Variants in ERC2 observed in about 807,000 individuals in gnomAD.
ERC2 encodes ERC protein 2.
In ERC2, 42 loss-of-function variants were observed where a neutral mutation model predicts 114.8. That is an observed-to-expected ratio of 0.37 (90% CI 0.29 to 0.47). ERC2 has a LOEUF of 0.47. ERC2 is among the 20% of genes least tolerant of loss of function. The pLI is 0.99. For synonymous variants in ERC2, 454 were observed against 425.5 expected, an observed-to-expected ratio of 1.07 and a Z score of -0.82; for missense variants, 939 against 1,150.7, an observed-to-expected ratio of 0.82 and a Z score of 2.66.
intron 14 of ERC2, among the ~76,000 whole-genome samples, chr3:55,841,120 A>G (rs999657111): frequency 3.3e-5 from 5 of 152,240 alleles, no homozygotes; most frequent in Non-Finnish European, 7.3e-5. Context: ...TATGTCAATC[A>G]TACCTAAATA....
intron 3 of ERC2, among the ~76,000 whole-genome samples, chr3:56,178,120 T>C (rs2083080337): frequency 6.6e-6 from 1 of 152,186 alleles, no homozygotes. Context: ...ATCAGAATGA[T>C]ACTTCTTGGC....
chr3:55,769,656 G>A (rs866966067), intron 14 of ERC2, among the ~76,000 whole-genome samples: 1 of 152,014 alleles, frequency 6.6e-6, no homozygotes. Context: ...AATTTCATTG[G>A]GTTCAATCTA....
chr3:55,794,674 TTA>T (rs1478174530), intron 14 of ERC2, among the ~76,000 whole-genome samples: 7 of 152,320 alleles, frequency 4.6e-5, no homozygotes, highest in African/African-American at 1.7e-4. Flanking sequence ...TCTAAACAAG[TTA>T]TATGTTAGTC....
chr3:56,072,684 C>A (rs2076793470), intron 7 of ERC2, among the ~76,000 whole-genome samples: 1 of 152,110 alleles, frequency 6.6e-6, no homozygotes, highest in African/African-American at 2.4e-5. Flanking sequence ...AGATTTTCAA[C>A]CCAAAAGGTT....
intron 17 of ERC2, among the ~76,000 whole-genome samples, chr3:55,576,325 T>A (rs956346466): frequency 1.2e-3 from 175 of 148,222 alleles, no homozygotes; most frequent in African/African-American, 2.7e-3. Context: ...AAAAAAAAAA[T>A]AAATCCAAAA....
chr3:55,939,404 T>C (rs2066642097), intron 13 of ERC2, among the ~76,000 whole-genome samples: 1 of 152,230 alleles, frequency 6.6e-6, no homozygotes, highest in Non-Finnish European at 1.5e-5. Flanking sequence ...AGAAAAGGGC[T>C]CCCTTTGTCA....
intron 14 of ERC2, among the ~76,000 whole-genome samples, chr3:55,804,649 G>A (rs2149108979): frequency 6.6e-6 from 1 of 152,254 alleles, no homozygotes; most frequent in South Asian, 2.1e-4. Context: ...AGATATGGCT[G>A]ACTTCAAAGC....
chr3:55,701,054 C>T (rs1272315959), intron 15 of ERC2, among the ~76,000 whole-genome samples: 1 of 152,106 alleles, frequency 6.6e-6, no homozygotes, highest in Non-Finnish European at 1.5e-5. Flanking sequence ...AATGAACCAA[C>T]AATACTTTCA....
intron 17 of ERC2, among the ~76,000 whole-genome samples, chr3:55,527,494 C>G (rs566109141): frequency 6.6e-6 from 1 of 152,282 alleles, no homozygotes; most frequent in African/African-American, 2.4e-5. Flanking sequence ...GTTCACAAAC[C>G]CTTTGCTATT....
At position 55,526,753 on chromosome 3, in the gene ERC2, TC is replaced by T. The variant is rs564887359; in HGVS notation, c.*40-15478del. On this transcript the variant is annotated intron_variant, in intron 17 of 17. Coordinates refer to ENST00000288221, the MANE Select transcript of ERC2 (RefSeq NM_015576.3). ...ATCACAGGAAGCACGAGGGGACTCG[TC>T]CCCGGGCCAGGGTCTTCACGGGGCC... is the stretch of plus-strand genomic sequence containing the variant. Among the ~76,000 whole-genome samples the T allele has an allele frequency of 2.1e-3, 320 of 152,266 alleles. 1 individual carries two copies. The highest frequency in any genetic ancestry group is 6.9e-3 in the African/African-American group (287 of 41,556).
At chr3:56,446,772 C>T (rs567446387) in intron 1 of ERC2, among the ~76,000 whole-genome samples, 2 of 150,980 alleles carry the variant, frequency 1.3e-5, no homozygotes, top group African/African-American at 2.4e-5. Context: ...ATTACAGGCG[C>T]GCATCACCAC....
chr3:55,522,393 G>A (rs1230438029), intron 17 of ERC2, among the ~76,000 whole-genome samples: 1 of 149,474 alleles, frequency 6.7e-6, no homozygotes, highest in African/African-American at 2.5e-5. Flanking sequence ...GTTCTTAAAT[G>A]AGATACAAAG....
At chr3:55,958,755 G>A (rs1271934941) in intron 12 of ERC2, among the ~76,000 whole-genome samples, 1 of 152,238 alleles carries the variant, frequency 6.6e-6, no homozygotes, top group African/African-American at 2.4e-5. Flanking sequence ...GCCCAGGCTT[G>A]GCCACAACTT....
intron 7 of ERC2, among the ~76,000 whole-genome samples, chr3:56,033,955 A>G (rs1030214959): frequency 3.3e-5 from 5 of 152,104 alleles, no homozygotes; most frequent in African/African-American, 9.7e-5. Context: ...CTTACCTATA[A>G]ATAATCAGGA....
intron 17 of ERC2, among the ~76,000 whole-genome samples, chr3:55,667,279 T>A (rs541702933): frequency 3.9e-5 from 6 of 152,350 alleles, no homozygotes; most frequent in Non-Finnish European, 7.3e-5. Flanking sequence ...GATGCTGTTT[T>A]GAGAATTAAA....
chr3:55,554,475 G>A (rs2055454613), intron 17 of ERC2, among the ~76,000 whole-genome samples: 1 of 152,322 alleles, frequency 6.6e-6, no homozygotes, highest in South Asian at 2.1e-4. Context: ...GGAGTGAGTA[G>A]CCAGGCTGAA....
chr3:55,532,100 A>T (rs2053703691), intron 17 of ERC2, among the ~76,000 whole-genome samples: 2 of 152,190 alleles, frequency 1.3e-5, no homozygotes, highest in African/African-American at 2.4e-5. Flanking sequence ...GGATTTCTGG[A>T]TCTCCTTGGT....
At chr3:56,001,471 A>G (rs2072051678) in intron 10 of ERC2, among the ~76,000 whole-genome samples, 1 of 152,120 alleles carries the variant, frequency 6.6e-6, no homozygotes, top group African/African-American at 2.4e-5. Flanking sequence ...GAGTTTGGCT[A>G]TATTCCCGGG....
At chr3:56,453,866 A>C (rs2062935516) in intron 1 of ERC2, among the ~76,000 whole-genome samples, 1 of 152,144 alleles carries the variant, frequency 6.6e-6, no homozygotes, top group Non-Finnish European at 1.5e-5. Flanking sequence ...CAAATAGTGA[A>C]TGCCAGCGAG....
Sources: allele counts gnomAD v4.1 joint callset (sites outside exome capture counted in the v4.1 genomes callset), GRCh38; gene constraint gnomAD v4.1.1; transcripts MANE v1.5; gene names NCBI Gene and HGNC (gene_info 2026-07-23, HGNC 2026-07-21).